Variants in SORCS1 observed in about 807,000 individuals in gnomAD.
SORCS1 encodes the protein VPS10 domain-containing receptor SorCS1.
Under a neutral mutation model 146.1 loss-of-function variants are expected in SORCS1, and 60 were observed. That is an observed-to-expected ratio of 0.41 (90% CI 0.33 to 0.51). SORCS1 has a LOEUF of 0.51. Among genes scored for constraint, SORCS1 ranks in the 20% least tolerant of loss-of-function variants. The pLI is 0.21. For synonymous variants in SORCS1, 637 were observed against 584.0 expected, an observed-to-expected ratio of 1.09 and a Z score of -1.31; for missense variants, 1,352 against 1,487.6, an observed-to-expected ratio of 0.91 and a Z score of 1.50.
intron 2 of SORCS1, among the ~76,000 whole-genome samples, chr10:106,842,142 AT>A (rs925471528): frequency 7.2e-5 from 11 of 151,922 alleles, no homozygotes; most frequent in African/African-American, 2.2e-4. Flanking sequence ...GCAGCGTATC[AT>A]TTTTTTTATT....
intron 6 of SORCS1, among the ~76,000 whole-genome samples, chr10:106,718,166 G>A (rs939453712): frequency 6.6e-6 from 1 of 152,196 alleles, no homozygotes; most frequent in African/African-American, 2.4e-5. Flanking sequence ...GAGAGAATGT[G>A]AGATGTGTTT....
chr10:106,576,923 CTA>C lies in SORCS1; in HGVS notation c.*495_*496del, dbSNP rs2133177536. Reference sequence around the variant, plus strand: ...AAAAATACATGCAGATTTCCTTGGCCTATATATGTTATGAATTTTCTACAAAC... The same window carrying C: ...AAAAATACATGCAGATTTCCTTGGCCTATATGTTATGAATTTTCTACAAAC... On this transcript the variant is annotated 3_prime_UTR_variant, in exon 26 of 26. Coordinates refer to ENST00000263054, the MANE Select transcript of SORCS1 (RefSeq NM_052918.5). 1 of 228,194 alleles carries C rather than the reference CTA, an allele frequency of 4.4e-6. No homozygotes were observed. Among genetic ancestry groups the C allele is most frequent in the East Asian group, 1.2e-4 (1 of 8,216 alleles). The allele number at this position is 228,194 out of a possible 1,614,324, so 14.1% of individuals were successfully genotyped here. A position where few individuals can be genotyped will look rare whatever the true frequency, so the allele number is the denominator to read the frequency against.
intron 1 of SORCS1, among the ~76,000 whole-genome samples, chr10:107,136,600 C>A (rs1314161958): frequency 6.6e-6 from 1 of 152,220 alleles, no homozygotes; most frequent in African/African-American, 2.4e-5. Context: ...ATATCCAACA[C>A]TTGCAAAGTG....
chr10:107,049,345 A>G (rs1959881644), intron 1 of SORCS1, among the ~76,000 whole-genome samples: 1 of 151,040 alleles, frequency 6.6e-6, no homozygotes, highest in Non-Finnish European at 1.5e-5. Flanking sequence ...GGTGCAGCAC[A>G]CCAGCATGGC....
intron 6 of SORCS1, among the ~76,000 whole-genome samples, chr10:106,714,106 A>G (rs1033107899): frequency 8.7e-6 from 1 of 114,790 alleles, no homozygotes; most frequent in Non-Finnish European, 1.6e-5. Flanking sequence ...ACTGCACTCC[A>G]GCCTGGCAAC....
intron 2 of SORCS1, among the ~76,000 whole-genome samples, chr10:106,850,151 A>AGTT (rs1949494321): frequency 6.6e-6 from 1 of 151,696 alleles, no homozygotes; most frequent in African/African-American, 2.4e-5. Context: ...TTACCTAAGC[A>AGTT]AGCCTGGGCA....
Position 106,668,281 on chromosome 10 carries a change from C to T in SORCS1, c.2190-479G>A, listed in dbSNP as rs76018313. On this transcript the variant is annotated intron_variant, in intron 16 of 25. Transcript: ENST00000263054. ...CTACCAAGAGAACTGAGCCAGGTCT[C>T]TCTGTGTACACTCCATATGCTTCAA... Among the ~76,000 whole-genome samples, 58 of 152,356 alleles carry T rather than the reference C, an allele frequency of 3.8e-4. No homozygotes were observed. The East Asian group carries it at 7.7e-3, about 20-fold the overall frequency.
intron 3 of SORCS1, among the ~76,000 whole-genome samples, chr10:106,800,233 A>G (rs1946796552): frequency 6.6e-6 from 1 of 152,202 alleles, no homozygotes; most frequent in Non-Finnish European, 1.5e-5. Flanking sequence ...TTAATAAATA[A>G]TTAAATGTAC....
chr10:106,948,805 A>T (rs1042845489), intron 2 of SORCS1, among the ~76,000 whole-genome samples: 1 of 151,818 alleles, frequency 6.6e-6, no homozygotes, highest in African/African-American at 2.4e-5. Context: ...TAAAAATACA[A>T]AAAAAATTAG....
chr10:106,895,976 TATA>T (rs1273659704), intron 2 of SORCS1, among the ~76,000 whole-genome samples: 7 of 151,002 alleles, frequency 4.6e-5, no homozygotes, highest in African/African-American at 1.7e-4. Context: ...CCTACATACA[TATA>T]ATATTTAGCC....
intron 5 of SORCS1, among the ~76,000 whole-genome samples, chr10:106,739,950 C>CA (rs1226313224): frequency 0.016 from 919 of 57,754 alleles, 5 homozygotes; most frequent in African/African-American, 0.041. Flanking sequence ...GACTCTGTCT[C>CA]AAAAAAAAAA....
rs533049695 is a variant in SORCS1 at position 106,629,449 on chromosome 10, A to C, written c.2476-61T>G. 34 of 1,557,232 alleles carry C rather than the reference A, an allele frequency of 2.2e-5. 1 individual carries two copies. In the Admixed American group the frequency reaches 5.3e-4, roughly 24 times the overall value. ...GTATTCGGCTGCTCCTGCCTAGGGG[A>C]CTGGGGACTACGGCTTGTCCTAGTC... On this transcript the variant is annotated intron_variant, in intron 18 of 25. Coordinates refer to ENST00000263054, the MANE Select transcript of SORCS1 (RefSeq NM_052918.5).
chr10:107,164,907 C>G (rs1040833372), upstream of SORCS1, among the ~76,000 whole-genome samples: 2 of 148,358 alleles, frequency 1.3e-5, no homozygotes, highest in African/African-American at 4.9e-5. This position sits in a 1 kb window ranked among gnomAD's most constrained non-coding sequence, Gnocchi z 6.8. Context: ...CCGGCGACCT[C>G]CCCTCGGCCT....
chr10:106,597,294 G>A (rs190009472), intron 24 of SORCS1, 57 bp downstream of exon 24: 1 of 1,382,054 alleles, frequency 7.2e-7, no homozygotes, highest in Non-Finnish European at 1.0e-6. Flanking sequence ...AGGAAGCACG[G>A]ACTAGGATTC....
At chr10:106,754,311 G>A (rs1027454083) in intron 5 of SORCS1, among the ~76,000 whole-genome samples, 8 of 152,186 alleles carry the variant, frequency 5.3e-5, no homozygotes, top group African/African-American at 1.9e-4. Context: ...CCCAAGTGAA[G>A]CTAAAACAGA....
chr10:106,674,131 G>A (rs1435815458), intron 14 of SORCS1, among the ~76,000 whole-genome samples: 27 of 144,160 alleles, frequency 1.9e-4, no homozygotes, highest in African/African-American at 5.7e-4. Flanking sequence ...CCTGGCTAAC[G>A]TGGTGAAACT....
intron 2 of SORCS1, among the ~76,000 whole-genome samples, chr10:106,919,442 G>A (rs1311091929): frequency 6.6e-6 from 1 of 152,130 alleles, no homozygotes; most frequent in Non-Finnish European, 1.5e-5. Context: ...GTCTGCCTGG[G>A]AAGAGGATGT....
rs1965721085 is a variant in SORCS1, at chr10:107,111,826, G to C, written c.558+52143C>G. Among the ~76,000 whole-genome samples the C allele has an allele frequency of 2.0e-5, 3 of 152,134 alleles. No individual in the cohort carries two copies. The South Asian group carries it at 6.2e-4, about 32-fold the overall frequency. On this transcript the variant is annotated intron_variant, in intron 1 of 25. Coordinates refer to ENST00000263054, the MANE Select transcript of SORCS1 (RefSeq NM_052918.5). ...ACAAAGAAAATCCTGAAAGCAGCAA[G>C]AGAAAAGAGACTTGTCACATATAAG...
In SORCS1 at chr10:107,105,575, G is replaced by T. The variant is rs536246339; in HGVS notation, c.558+58394C>A. On this transcript the variant is annotated intron_variant, in intron 1 of 25. Coordinates refer to ENST00000263054, the MANE Select transcript of SORCS1 (RefSeq NM_052918.5). ...GTATGAGTCCAACAGTCCAAAAGCTGAAGAACTTTGAGTCTGATGTTCGAG... is the reference window on the plus strand; with the variant it reads ...GTATGAGTCCAACAGTCCAAAAGCTTAAGAACTTTGAGTCTGATGTTCGAG... Among the ~76,000 whole-genome samples, 5 of 152,286 alleles carry T rather than the reference G, an allele frequency of 3.3e-5. No homozygotes were observed. In the South Asian group the frequency reaches 6.2e-4, roughly 19 times the overall value.
Sources: gnomAD v4.1 joint callset for allele counts (sites outside exome capture counted in the v4.1 genomes callset) on GRCh38, gnomAD v4.1.1 for gene constraint, Gnocchi (gnomAD v3.1) non-coding constraint, MANE v1.5 for transcripts, NCBI Gene and HGNC (gene_info 2026-07-23, HGNC 2026-07-21) for gene names.